GNAT1: variants seen among roughly 807,000 people sequenced by gnomAD.
The protein encoded by GNAT1 is guanine nucleotide-binding protein G(t) subunit alpha-1.
A neutral mutation model predicts 40.0 loss-of-function variants in GNAT1; 36 were observed. The ratio of observed to expected loss-of-function variants is 0.90; its 90% CI spans 0.69 to 1.19. The LOEUF is 1.19. Among genes scored for constraint, GNAT1 ranks in the 50% most tolerant of loss-of-function variants. The probability of loss-of-function intolerance (pLI) is 0.00; values close to 1 mark genes in which losing one functional copy is unlikely to be tolerated. For synonymous variants in GNAT1, 195 were observed against 192.9 expected (o/e 1.01, Z -0.09); for missense variants, 413 against 480.6 (o/e 0.86, Z 1.32).
At position 50,196,440 on chromosome 3, in the gene GNAT1, G is replaced by C. The variant is rs114828382; in HGVS notation, c.*1174G>C. On this transcript the variant is annotated 3_prime_UTR_variant, in exon 9 of 9. Transcript: ENST00000232461. Reference sequence around the variant, plus strand: ...CTGCAGTCGGGGACAAGGAGCTTCCGTCTGGCAAGGCCGGGGCACAATTTG... The same window carrying C: ...CTGCAGTCGGGGACAAGGAGCTTCCCTCTGGCAAGGCCGGGGCACAATTTG... 2 of 152,628 alleles carry C rather than the reference G, an allele frequency of 1.3e-5. No homozygotes were observed. Among genetic ancestry groups the C allele is most frequent in the Non-Finnish European group, 2.9e-5 (2 of 68,062 alleles). The allele number at this position is 152,628 out of a possible 1,614,324, so 9.5% of individuals were successfully genotyped here. A position where few individuals can be genotyped will look rare whatever the true frequency, so the allele number is the denominator to read the frequency against.
Position 50,193,678 on chromosome 3 carries a change from AGCGCGGGGC to A in GNAT1, c.449+19_449+27del, listed in dbSNP as rs1699454203. ...TCGGCGGGCTAGTGAGCGCGCGGGC[AGCGCGGGGC>A]GCGGGGCGCGGGGCGCAGGGGGCCC... On this transcript the variant is annotated intron_variant, in intron 4 of 8. Transcript: ENST00000232461. The surrounding 1 kb of genome is among the most constrained non-coding windows in gnomAD (Gnocchi z 8.1). 3 of 1,609,274 alleles carry A rather than the reference AGCGCGGGGC, an allele frequency of 1.9e-6. No individual in the cohort carries two copies. The South Asian group carries it at 3.3e-5, about 18-fold the overall frequency.
At chr3:50,192,284 C>A (rs927667945) in intron 1 of GNAT1, among the ~76,000 whole-genome samples, 5 of 152,200 alleles carry the variant, frequency 3.3e-5, no homozygotes, top group African/African-American at 9.6e-5. Context: ...CCTCTAGGAC[C>A]ACCCAGATCC....
intron 8 of GNAT1, 42 bp from the exon 9 acceptor site, chr3:50,195,226 A>G (rs556462480): frequency 3.7e-5 from 20 of 534,256 alleles, no homozygotes; most frequent in South Asian, 3.7e-4. Context: ...AAACCCATTT[A>G]TTTTGGGTCT....
rs1373858291 is a variant in GNAT1, at chr3:50,195,964, A to T, written c.*698A>T. 6.6e-6 allele frequency: 1 copy of T among 152,556 alleles called. No individual in the cohort carries two copies. Among genetic ancestry groups the T allele is most frequent in the African/African-American group, 2.4e-5 (1 of 41,424 alleles). The allele number at this position is 152,556 out of a possible 1,614,324, so 9.5% of individuals were successfully genotyped here. A position where few individuals can be genotyped will look rare whatever the true frequency, so the allele number is the denominator to read the frequency against. Reference sequence around the variant, plus strand: ...GCAACCTCCAGCCTTCTCCAGCAGGATCTGCTCCCTGTGTCCTTGGACAGC... The same window carrying T: ...GCAACCTCCAGCCTTCTCCAGCAGGTTCTGCTCCCTGTGTCCTTGGACAGC... On this transcript the variant is annotated 3_prime_UTR_variant, in exon 9 of 9. Transcript: ENST00000232461.
Position 50,193,287 on chromosome 3 carries a change from T to A in GNAT1, c.172T>A (p.Ser58Thr). The A allele has an allele frequency of 6.2e-7, 1 of 1,614,226 alleles. No individual in the cohort carries two copies. Among genetic ancestry groups the A allele is most frequent in the Non-Finnish European group, 8.5e-7 (1 of 1,180,028 alleles). Residue 58 changes from serine (S) to threonine (T), a missense_variant, in exon 3 of 9, where the codon TCG becomes ACG. Coordinates refer to ENST00000232461, the MANE Select transcript of GNAT1 (RefSeq NM_144499.3). The surrounding 1 kb of genome is among the most constrained non-coding windows in gnomAD (Gnocchi z 8.1). ...QMKIIHQDGY[S>T]LEECLEFIAI... ...CAGGATTATCCACCAGGACGGGTAC[T>A]CGCTGGAAGAGTGCCTCGAGTTTAT...
intron 8 of GNAT1, 119 bp downstream of exon 8, chr3:50,195,075 C>A (rs1699482050): frequency 4.0e-6 from 3 of 746,956 alleles, no homozygotes; most frequent in Non-Finnish European, 7.0e-6. Context: ...CCTCCAGGCC[C>A]CACCCCAGCT....
Position 50,194,703 on chromosome 3 carries a change from G to C in GNAT1, c.862+49G>C, listed in dbSNP as rs759554456. 1.9e-6 allele frequency: 3 copies of C among 1,609,366 alleles called. No individual in the cohort carries two copies. The highest frequency in any genetic ancestry group is 2.5e-6 in the Non-Finnish European group (3 of 1,177,660). ...GGCGGCGCCCCCGCCCCACGATCGC[G>C]GCGCGCACCCCCCGCACGGGGAAGG... On this transcript the variant is annotated intron_variant, in intron 7 of 8. Coordinates refer to ENST00000232461, the MANE Select transcript of GNAT1 (RefSeq NM_144499.3). This position sits in a 1 kb window ranked among gnomAD's most constrained non-coding sequence, Gnocchi z 6.1.
At position 50,191,647 on chromosome 3, in the gene GNAT1, T is replaced by C. The variant is rs1033623228; in HGVS notation, c.-79T>C. 5 of 1,062,312 alleles carry C rather than the reference T, an allele frequency of 4.7e-6. No individual in the cohort carries two copies. In the African/African-American group the frequency reaches 6.2e-5, roughly 13 times the overall value. 65.8% of individuals were successfully genotyped at this position (1,062,312 alleles called of 1,614,324 possible). A position where few individuals can be genotyped will look rare whatever the true frequency, so the allele number is the denominator to read the frequency against. ...GTCCTCCTGGGGCCAGAAGGGTGCCTGGGAGGCCAGGTTCTGGGGATCCCC... is the reference window on the plus strand; with the variant it reads ...GTCCTCCTGGGGCCAGAAGGGTGCCCGGGAGGCCAGGTTCTGGGGATCCCC... On this transcript the variant is annotated 5_prime_UTR_variant, in exon 1 of 9. Coordinates refer to ENST00000232461, the MANE Select transcript of GNAT1 (RefSeq NM_144499.3).
In GNAT1 at chr3:50,194,712, C is replaced by T; in HGVS notation, c.863-53C>T. The stretch of plus-strand genomic sequence containing the variant: ...CCCGCCCCACGATCGCGGCGCGCAC[C>T]CCCCGCACGGGGAAGGAAGGGCTGA... On this transcript the variant is annotated intron_variant, in intron 7 of 8. Transcript: ENST00000232461. The surrounding 1 kb of genome is among the most constrained non-coding windows in gnomAD (Gnocchi z 6.1). 2 of 1,608,102 alleles carry T rather than the reference C, an allele frequency of 1.2e-6. No homozygotes were observed. Among genetic ancestry groups the T allele is most frequent in the Non-Finnish European group, 1.7e-6 (2 of 1,175,610 alleles).
Position 50,193,465 on chromosome 3 carries a change from G to A in GNAT1, c.292-41G>A, listed in dbSNP as rs1559746271. 1 of 1,606,822 alleles carries A rather than the reference G, an allele frequency of 6.2e-7. No individual in the cohort carries two copies. The highest frequency in any genetic ancestry group is 1.7e-5 in the Admixed American group (1 of 59,098). ...GGACTCGAGGCTCGCGGCTGGGCCC[G>A]AGTCCCTGGCCGCCACCAGCCACTC... is the stretch of plus-strand genomic sequence containing the variant. On this transcript the variant is annotated intron_variant, in intron 3 of 8. Transcript: ENST00000232461. The surrounding 1 kb of genome is among the most constrained non-coding windows in gnomAD (Gnocchi z 8.1).
intron 1 of GNAT1, among the ~76,000 whole-genome samples, chr3:50,192,432 G>C (rs1699425982): frequency 6.6e-6 from 1 of 152,196 alleles, no homozygotes; most frequent in Admixed American, 6.5e-5. Context: ...GGAGAGATGG[G>C]GCTGATCCAG....
Position 50,194,091 on chromosome 3 carries a change from G to A in GNAT1, c.579-1G>A, listed in dbSNP as rs1460825110. 1 of 1,613,414 alleles carries A rather than the reference G, an allele frequency of 6.2e-7. No homozygotes were observed. The highest frequency in any genetic ancestry group is 8.5e-7 in the Non-Finnish European group (1 of 1,179,622). On this transcript the variant is annotated splice_acceptor_variant, in intron 5 of 8. Transcript: ENST00000232461. LOFTEE classifies it high-confidence loss of function. The surrounding 1 kb of genome is among the most constrained non-coding windows in gnomAD (Gnocchi z 6.1). ...AGGTTCAGGCCCCCGCGGCCCCGCA[G>A]GATGTTCGATGTGGGCGGGCAGCGC...
At position 50,195,844 on chromosome 3, in the gene GNAT1, C is replaced by T. The variant is rs1559747867; in HGVS notation, c.*578C>T. 6.5e-6 allele frequency: 1 copy of T among 153,012 alleles called. No homozygotes were observed. Among genetic ancestry groups the T allele is most frequent in the South Asian group, 2.1e-4 (1 of 4,836 alleles). The allele number at this position is 153,012 out of a possible 1,614,324, so 9.5% of individuals were successfully genotyped here. On this transcript the variant is annotated 3_prime_UTR_variant, in exon 9 of 9. Coordinates refer to ENST00000232461, the MANE Select transcript of GNAT1 (RefSeq NM_144499.3). ...AGCTAGCTCTGGCCTGTGTGGCCCCCACATAAATAAATTAGTGGGGAGGGG... is the reference window on the plus strand; with the variant it reads ...AGCTAGCTCTGGCCTGTGTGGCCCCTACATAAATAAATTAGTGGGGAGGGG...
rs746154163 is a variant in GNAT1, at chr3:50,194,684, GC to G, written c.862+35del. 4 of 1,610,820 alleles carry G rather than the reference GC, an allele frequency of 2.5e-6. No individual in the cohort carries two copies. Among genetic ancestry groups the G allele is most frequent in the South Asian group, 2.2e-5 (2 of 91,040 alleles). ...GAAGTCCGCAAGGCCGCCAGGCGGC[GC>G]CCCCGCCCCACGATCGCGGCGCGCA... On this transcript the variant is annotated intron_variant, in intron 7 of 8. Transcript: ENST00000232461. The surrounding 1 kb of genome is among the most constrained non-coding windows in gnomAD (Gnocchi z 6.1).
At position 50,193,625 on chromosome 3, in the gene GNAT1, G is replaced by A. The variant is rs147238978; in HGVS notation, c.411G>A (p.Glu137=). Residue 137 remains glutamate, a synonymous_variant, in exon 4 of 9, where the codon GAG becomes GAA. Coordinates refer to ENST00000232461, the MANE Select transcript of GNAT1 (RefSeq NM_144499.3). This position sits in a 1 kb window ranked among gnomAD's most constrained non-coding sequence, Gnocchi z 8.1. ...WKDSGIQACF[E]RASEYQLNDS... ...ACTCCGGTATCCAGGCCTGTTTTGAGCGCGCCTCGGAGTACCAGCTCAACG... is the reference window on the plus strand; with the variant it reads ...ACTCCGGTATCCAGGCCTGTTTTGAACGCGCCTCGGAGTACCAGCTCAACG... 1,085 of 1,612,462 alleles carry A rather than the reference G, an allele frequency of 6.7e-4. 4 individuals carry two copies. The highest frequency in any genetic ancestry group is 3.8e-4 in the Non-Finnish European group (443 of 1,179,836).
In GNAT1 at chr3:50,194,185, C is replaced by T. The variant is rs774966956; in HGVS notation, c.672C>T (p.Ser224=). The change falls in exon 6 of 9, where the codon AGC becomes AGT. Residue 224 remains serine, a synonymous_variant. Coordinates refer to ENST00000232461, the MANE Select transcript of GNAT1 (RefSeq NM_144499.3). The surrounding 1 kb of genome is among the most constrained non-coding windows in gnomAD (Gnocchi z 6.1). ...GCATCATCTTCATCGCGGCGCTGAGCGCCTACGACATGGTGCTAGTGGAGG... is the reference window on the plus strand; with the variant it reads ...GCATCATCTTCATCGCGGCGCTGAGTGCCTACGACATGGTGCTAGTGGAGG... ...VTCIIFIAAL[S]AYDMVLVEDD... 1.2e-6 allele frequency: 2 copies of T among 1,613,034 alleles called. No homozygotes were observed. The highest frequency in any genetic ancestry group is 8.5e-7 in the Non-Finnish European group (1 of 1,179,474).
chr3:50,195,353 C>A lies in GNAT1; in HGVS notation c.*87C>A, dbSNP rs1342636748. 1 of 303,484 alleles carries A rather than the reference C, an allele frequency of 3.3e-6. No individual in the cohort carries two copies. The highest frequency in any genetic ancestry group is 8.4e-5 in the East Asian group (1 of 11,862). The allele number at this position is 303,484 out of a possible 1,614,324, so 18.8% of individuals were successfully genotyped here. The stretch of plus-strand genomic sequence containing the variant: ...CCCAAACCCCAGGACCCTATCAGCC[C>A]CCTGGGACTCCCTGGCCCCAACCTG... On this transcript the variant is annotated 3_prime_UTR_variant, in exon 9 of 9. Coordinates refer to ENST00000232461, the MANE Select transcript of GNAT1 (RefSeq NM_144499.3).
rs754379390 is a variant in GNAT1, at chr3:50,194,898, C to A, written c.996C>A (p.Phe332Leu). The A allele has an allele frequency of 1.2e-6, 2 of 1,613,890 alleles. No homozygotes were observed. Among genetic ancestry groups the A allele is most frequent in the South Asian group, 2.2e-5 (2 of 91,068 alleles). ...ATDTQNVKFV[F>L]DAVTDIIIKE... is the part of the protein sequence containing the mutation. ...ACACGCAGAACGTCAAATTTGTCTTCGACGCTGTCACCGACATCATCATCA... is the reference window on the plus strand; with the variant it reads ...ACACGCAGAACGTCAAATTTGTCTTAGACGCTGTCACCGACATCATCATCA... Residue 332 changes from phenylalanine to leucine, a missense_variant, in exon 8 of 9, where the codon TTC (phenylalanine) becomes TTA (leucine). By Grantham distance (22) the Phe-to-Leu change is conservative (BLOSUM62 0). Coordinates refer to ENST00000232461, the MANE Select transcript of GNAT1 (RefSeq NM_144499.3). The surrounding 1 kb of genome is among the most constrained non-coding windows in gnomAD (Gnocchi z 6.1).
At position 50,193,670 on chromosome 3, in the gene GNAT1, G is replaced by C. The variant is rs760630922; in HGVS notation, c.449+7G>C. On this transcript the variant is annotated splice_region_variant and intron_variant, in intron 4 of 8. Transcript: ENST00000232461. This position sits in a 1 kb window ranked among gnomAD's most constrained non-coding sequence, Gnocchi z 8.1. The stretch of plus-strand genomic sequence containing the variant: ...TCAACGACTCGGCGGGCTAGTGAGC[G>C]CGCGGGCAGCGCGGGGCGCGGGGCG... 1 of 1,609,756 alleles carries C rather than the reference G, an allele frequency of 6.2e-7. No homozygotes were observed.
Sources: gnomAD v4.1 joint callset for allele counts (sites outside exome capture counted in the v4.1 genomes callset) on GRCh38, gnomAD v4.1.1 for gene constraint, Gnocchi (gnomAD v3.1) non-coding constraint, MANE v1.5 for transcripts, NCBI Gene and HGNC (gene_info 2026-07-23, HGNC 2026-07-21) for gene names.